The following CCDC138 variants were observed in gnomAD, a reference collection of about 807,000 sequenced individuals.
CCDC138 encodes the protein coiled-coil domain-containing protein 138.
CCDC138 carries 66 observed loss-of-function variants against 82.3 expected under a neutral mutation model. The observed-to-expected ratio is 0.80, with a 90% CI of 0.66 to 0.98. The LOEUF is 0.98. Among genes scored for constraint, CCDC138 ranks in the 50% least tolerant of loss-of-function variants. The pLI, the probability that CCDC138 is intolerant of heterozygous loss-of-function variation, is 0.00. For synonymous variants in CCDC138, 297 were observed against 265.4 expected (o/e 1.12, Z -1.16); for missense variants, 816 against 758.9 (o/e 1.08, Z -0.88).
At chr2:108,873,043 T>G (rs1039847024) in intron 13 of CCDC138, among the ~76,000 whole-genome samples, 1 of 152,220 alleles carries the variant, frequency 6.6e-6, no homozygotes, top group Non-Finnish European at 1.5e-5. Flanking sequence ...AATAGTCAAG[T>G]GAAATTCACA....
In CCDC138 at chr2:108,836,524, G is replaced by A. The variant is rs145576605; in HGVS notation, c.1207-2661G>A. 3.1e-4 allele frequency among the ~76,000 whole-genome samples: 47 copies of A among 152,298 alleles called. 1 individual carries two copies. The East Asian group carries it at 9.1e-3, about 29-fold the overall frequency. ...AATCCCTTTGGACATATACCCAGAA[G>A]TGGGATTGCTAGATCATTTGATAGT... On this transcript the variant is annotated intron_variant, in intron 10 of 14. Coordinates refer to ENST00000295124, the MANE Select transcript of CCDC138 (RefSeq NM_144978.3).
chr2:108,808,156 G>A (rs1290757882), intron 7 of CCDC138, among the ~76,000 whole-genome samples: 1 of 152,092 alleles, frequency 6.6e-6, no homozygotes, highest in Admixed American at 6.5e-5. Flanking sequence ...ACAAGATTTT[G>A]TTCTTTTTCA....
rs377070038 is a variant in CCDC138 at position 108,788,588 on chromosome 2, C to T, written c.152-264C>T. ...ACAAAAAATTAGCCGGGTGTGGTGG[C>T]GGGCTCCTGTAGTCCCGGCTACTCA... On this transcript the variant is annotated intron_variant, in intron 2 of 14. Transcript: ENST00000295124. 1.3e-4 allele frequency among the ~76,000 whole-genome samples: 20 copies of T among 151,852 alleles called. No individual in the cohort carries two copies. In the East Asian group the frequency reaches 2.3e-3, roughly 18 times the overall value.
At chr2:108,792,423 A>G (rs894113317) in intron 4 of CCDC138, among the ~76,000 whole-genome samples, 1 of 152,226 alleles carries the variant, frequency 6.6e-6, no homozygotes, top group African/African-American at 2.4e-5. Flanking sequence ...AGTGGAAAAC[A>G]TGGGATAAGG....
intron 11 of CCDC138, among the ~76,000 whole-genome samples, chr2:108,845,993 A>C (rs534921538): frequency 6.6e-5 from 10 of 152,272 alleles, no homozygotes; most frequent in Admixed American, 5.9e-4. Flanking sequence ...AGAATTATCT[A>C]TGATTCTAAC....
downstream of CCDC138, among the ~76,000 whole-genome samples, chr2:108,879,283 A>G (rs1362226249): frequency 1.3e-5 from 2 of 152,238 alleles, no homozygotes; most frequent in African/African-American, 2.4e-5. Flanking sequence ...ACAGTCTTTT[A>G]TAAAATTATC....
chr2:108,821,599 G>A (rs1364347893), intron 10 of CCDC138, among the ~76,000 whole-genome samples: 1 of 152,026 alleles, frequency 6.6e-6, no homozygotes, highest in Non-Finnish European at 1.5e-5. Flanking sequence ...AAGGAAAGGA[G>A]GGACAAAAAA....
chr2:108,798,720 C>T, intron 6 of CCDC138, 134 bp downstream of exon 6: 1 of 552,550 alleles, frequency 1.8e-6, no homozygotes, highest in Non-Finnish European at 3.2e-6. Context: ...CACACACACA[C>T]ACACACACAC....
In CCDC138 at chr2:108,873,432, C is replaced by G; in HGVS notation, c.1694-19C>G. The G allele has an allele frequency of 6.4e-7, 1 of 1,566,804 alleles. No individual in the cohort carries two copies. ...TTCGCTACTCCCTAATAGTAAAGCACTGTTGATTTGTTTTGCAGAATCCTT... is the reference window on the plus strand; with the variant it reads ...TTCGCTACTCCCTAATAGTAAAGCAGTGTTGATTTGTTTTGCAGAATCCTT... On this transcript the variant is annotated intron_variant, in intron 13 of 14. Coordinates refer to ENST00000295124, the MANE Select transcript of CCDC138 (RefSeq NM_144978.3).
intron 10 of CCDC138, among the ~76,000 whole-genome samples, chr2:108,830,748 C>G (rs927540641): frequency 2.6e-5 from 4 of 151,872 alleles, no homozygotes; most frequent in African/African-American, 9.7e-5. Flanking sequence ...GCAGAGGTTG[C>G]AGTGATCTGA....
chr2:108,802,799 G>A (rs369476915), intron 6 of CCDC138, among the ~76,000 whole-genome samples: 25 of 151,816 alleles, frequency 1.6e-4, no homozygotes, highest in Non-Finnish European at 2.8e-4. Flanking sequence ...TTTGAAATAC[G>A]TCCCATCAAT....
chr2:108,824,020 C>G (rs757735927), intron 10 of CCDC138, among the ~76,000 whole-genome samples: 3 of 152,014 alleles, frequency 2.0e-5, no homozygotes, highest in Non-Finnish European at 4.4e-5. Context: ...GAATAGAGCA[C>G]TTAACCATGA....
intron 10 of CCDC138, among the ~76,000 whole-genome samples, chr2:108,816,531 T>G (rs992281873): frequency 2.0e-5 from 2 of 100,738 alleles, no homozygotes; most frequent in Admixed American, 1.2e-4. Context: ...AGTCCAGAGG[T>G]GATGCAGGGT....
intron 10 of CCDC138, among the ~76,000 whole-genome samples, chr2:108,831,307 A>C (rs1574116614): frequency 1.3e-5 from 2 of 152,350 alleles, no homozygotes; most frequent in East Asian, 3.9e-4. Flanking sequence ...GTGATTTTGC[A>C]AAGAGTTCAC....
chr2:108,803,534 C>A (rs546561165), intron 6 of CCDC138, among the ~76,000 whole-genome samples: 1 of 152,224 alleles, frequency 6.6e-6, no homozygotes, highest in African/African-American at 2.4e-5. Context: ...GCTCACTGCA[C>A]CCTCAAGTCA....
chr2:108,805,496 T>C (rs6730830), intron 7 of CCDC138, among the ~76,000 whole-genome samples: 97,375 of 151,558 alleles, frequency 0.64, 34,430 homozygotes, highest in East Asian at 0.9. Flanking sequence ...GAGGCTGAGG[T>C]GGGCGGATCA....
At chr2:108,822,928 A>G (rs1685953444) in intron 10 of CCDC138, among the ~76,000 whole-genome samples, 1 of 152,206 alleles carries the variant, frequency 6.6e-6, no homozygotes, top group Non-Finnish European at 1.5e-5. Context: ...GGGAGAAAGA[A>G]GACTGGAATA....
At chr2:108,788,785 G>T (rs1679400112) in intron 2 of CCDC138, 67 bp from the exon 3 acceptor site, 2 of 1,594,606 alleles carry the variant, frequency 1.3e-6, no homozygotes, top group Non-Finnish European at 1.7e-6. Context: ...TTAGACTTAT[G>T]GCCAGTGCCA....
chr2:108,882,829 G>T (rs1038080606), intron 2 of CCDC138: 6 of 152,164 alleles, frequency 3.9e-5, no homozygotes, highest in African/African-American at 1.4e-4. Flanking sequence ...CTAGATAAAT[G>T]GAACTGTGTG....
Sources: gnomAD v4.1 joint callset for allele counts (sites outside exome capture counted in the v4.1 genomes callset) on GRCh38, gnomAD v4.1.1 for gene constraint, MANE v1.5 for transcripts, NCBI Gene and HGNC (gene_info 2026-07-23, HGNC 2026-07-21) for gene names.